Variants in DTD1 observed in about 807,000 individuals in gnomAD.
The protein encoded by DTD1 is D-tyrosyl-tRNA deacylase 1 homolog.
Under a neutral mutation model 25.6 loss-of-function variants are expected in DTD1, and 13 were observed. The observed-to-expected ratio is 0.51, with a 90% CI of 0.33 to 0.81. DTD1 has a LOEUF of 0.81. Among genes scored for constraint, DTD1 ranks in the 30% least tolerant of loss-of-function variants. The probability of loss-of-function intolerance (pLI) is 0.02; values close to 1 mark genes in which losing one functional copy is unlikely to be tolerated. For missense variants in DTD1, 193 were observed against 266.4 expected, an observed-to-expected ratio of 0.72 and a Z score of 1.92; for synonymous variants, 110 against 103.6, an observed-to-expected ratio of 1.06 and a Z score of -0.37.
intron 4 of DTD1, among the ~76,000 whole-genome samples, chr20:18,724,053 C>T (rs1251172216): frequency 6.6e-6 from 1 of 152,218 alleles, no homozygotes; most frequent in African/African-American, 2.4e-5. Flanking sequence ...AAGGGAATGT[C>T]CCTATCTCCT....
intron 4 of DTD1, among the ~76,000 whole-genome samples, chr20:18,650,631 T>C (rs926238066): frequency 1.3e-5 from 2 of 152,256 alleles, no homozygotes; most frequent in African/African-American, 4.8e-5. Context: ...ATTTATTGTC[T>C]CTTTTCCCTG....
At chr20:18,649,924 A>G (rs1381709544) in intron 4 of DTD1, among the ~76,000 whole-genome samples, 4 of 152,238 alleles carry the variant, frequency 2.6e-5, no homozygotes, top group African/African-American at 7.2e-5. Context: ...ATTCGAAGGT[A>G]AAATTGGGCT....
intron 4 of DTD1, among the ~76,000 whole-genome samples, chr20:18,697,522 A>G (rs2061082858): frequency 6.6e-6 from 1 of 152,186 alleles, no homozygotes. Flanking sequence ...CATTATACTT[A>G]TTGGTTGAGC....
chr20:18,668,816 C>T (rs974335885), intron 4 of DTD1, among the ~76,000 whole-genome samples: 11 of 152,230 alleles, frequency 7.2e-5, no homozygotes, highest in Non-Finnish European at 1.6e-4. Context: ...ATTTTTCTGC[C>T]TCTCAACTTC....
rs983381494 is a variant in DTD1 at position 18,749,574 on chromosome 20, A to G, written c.*19+5303A>G. ...CACTGGCCTCCTGGATGAGACTTGC[A>G]GGGGTCTGTCATTAATGACACCTGA... On this transcript the variant is annotated intron_variant, in intron 5 of 5. Transcript: ENST00000377452. This position sits in a 1 kb window ranked among gnomAD's most constrained non-coding sequence, Gnocchi z 4.2. 6.6e-6 allele frequency among the ~76,000 whole-genome samples: 1 copy of G among 152,150 alleles called. No homozygotes were observed. Among genetic ancestry groups the G allele is most frequent in the African/African-American group, 2.4e-5 (1 of 41,422 alleles).
At chr20:18,693,724 C>A (rs1288801160) in intron 4 of DTD1, among the ~76,000 whole-genome samples, 1 of 151,980 alleles carries the variant, frequency 6.6e-6, no homozygotes, top group Non-Finnish European at 1.5e-5. Context: ...TTTGTTTTCT[C>A]CCTTTGCTCC....
intron 4 of DTD1, among the ~76,000 whole-genome samples, chr20:18,732,984 T>C (rs1299408353): frequency 1.3e-5 from 2 of 152,220 alleles, no homozygotes; most frequent in Admixed American, 6.5e-5. Context: ...GTGGTTTTTT[T>C]CAAAGCATTT....
chr20:18,734,299 G>A (rs918675432), intron 4 of DTD1, among the ~76,000 whole-genome samples: 25 of 152,188 alleles, frequency 1.6e-4, no homozygotes, highest in Non-Finnish European at 2.6e-4. Context: ...TCACAGACTC[G>A]TGGGATTTCA....
chr20:18,676,406 G>A (rs1015225289), intron 4 of DTD1, among the ~76,000 whole-genome samples: 1 of 152,120 alleles, frequency 6.6e-6, no homozygotes, highest in Non-Finnish European at 1.5e-5. Flanking sequence ...TTTTAAAAAA[G>A]TCAGCTATTC....
chr20:18,738,309 G>T (rs1321326153), intron 4 of DTD1, among the ~76,000 whole-genome samples: 1 of 152,180 alleles, frequency 6.6e-6, no homozygotes, highest in Non-Finnish European at 1.5e-5. Context: ...CTTGCTGGGC[G>T]TTGCTGTCTT....
At chr20:18,620,973 A>G (rs544244207) in intron 3 of DTD1, among the ~76,000 whole-genome samples, 19 of 152,356 alleles carry the variant, frequency 1.2e-4, no homozygotes, top group African/African-American at 4.3e-4. Flanking sequence ...TTCTATTGAT[A>G]ACATTTTACA....
chr20:18,680,562 C>T (rs1215075774), intron 4 of DTD1, among the ~76,000 whole-genome samples: 1 of 151,950 alleles, frequency 6.6e-6, no homozygotes, highest in Non-Finnish European at 1.5e-5. Context: ...CTCTGACCTT[C>T]ATTTTGTCAT....
chr20:18,645,869 G>T (rs1052215931), intron 4 of DTD1, among the ~76,000 whole-genome samples: 43 of 152,320 alleles, frequency 2.8e-4, no homozygotes, highest in African/African-American at 1.0e-3. Context: ...TGAAATGTTA[G>T]TATTTTAGCA....
intron 4 of DTD1, among the ~76,000 whole-genome samples, chr20:18,729,070 C>T (rs1400839677): frequency 6.6e-6 from 1 of 152,182 alleles, no homozygotes; most frequent in African/African-American, 2.4e-5. Flanking sequence ...GTGGTGCAGT[C>T]ACGGCTCACT....
rs141940542 is a variant in DTD1, at chr20:18,751,693, C to T, written c.*19+7422C>T. 3.1e-3 allele frequency among the ~76,000 whole-genome samples: 466 copies of T among 152,232 alleles called. 1 individual carries two copies. Among genetic ancestry groups the T allele is most frequent in the Non-Finnish European group, 4.1e-3 (276 of 68,020 alleles). On this transcript the variant is annotated intron_variant, in intron 5 of 5. Transcript: ENST00000377452. ...ATTTTTTGTAGAGATAGGGTTTTAA[C>T]ATGTTGGCCAGGTTGCTTTTGAACT...
chr20:18,691,195 C>T (rs531294838), intron 4 of DTD1, among the ~76,000 whole-genome samples: 1 of 152,306 alleles, frequency 6.6e-6, no homozygotes, highest in African/African-American at 2.4e-5. Flanking sequence ...CTGTGGAAAG[C>T]AGTTTGGAGA....
chr20:18,681,773 GT>G (rs1180407464), intron 4 of DTD1, among the ~76,000 whole-genome samples: 1 of 152,226 alleles, frequency 6.6e-6, no homozygotes, highest in Non-Finnish European at 1.5e-5. Flanking sequence ...GTTAAAAGAA[GT>G]TCTTCTGGTA....
intron 5 of DTD1, among the ~76,000 whole-genome samples, chr20:18,753,017 C>A (rs182088137): frequency 1.2e-4 from 18 of 152,220 alleles, no homozygotes; most frequent in Admixed American, 1.1e-3. Context: ...AAATAACTGG[C>A]CATGATTAGT....
At chr20:18,593,685 C>A (rs1013184969) in intron 1 of DTD1, 46 bp from the exon 2 acceptor site, 2 of 1,436,564 alleles carry the variant, frequency 1.4e-6, no homozygotes, top group Non-Finnish European at 9.8e-7. Flanking sequence ...TGCTTTATGA[C>A]CTTGTTTGGT....
Sources: gnomAD v4.1 joint callset for allele counts (sites outside exome capture counted in the v4.1 genomes callset) on GRCh38, gnomAD v4.1.1 for gene constraint, Gnocchi (gnomAD v3.1) non-coding constraint, MANE v1.5 for transcripts, NCBI Gene and HGNC (gene_info 2026-07-23, HGNC 2026-07-21) for gene names.